ASIC2: variants seen among roughly 807,000 people sequenced by gnomAD.
The protein encoded by ASIC2 is acid sensing ion channel subunit 2, also known as acid-sensing ion channel 2.
In ASIC2, 25 loss-of-function variants were observed where a neutral mutation model predicts 57.3. The observed-to-expected ratio is 0.44, with a 90% CI of 0.32 to 0.61. ASIC2 has a LOEUF of 0.61. Among genes scored for constraint, ASIC2 ranks in the 20% least tolerant of loss-of-function variants. ASIC2 has a pLI of 0.06. For missense variants in ASIC2, 641 were observed against 738.1 expected (o/e 0.87, Z 1.52); for synonymous variants, 319 against 307.5 (o/e 1.04, Z -0.39).
chr17:33,025,874 T>C, intron 5 of ASIC2, 52 bp downstream of exon 5: 1 of 1,508,674 alleles, frequency 6.6e-7, no homozygotes, highest in Non-Finnish European at 8.9e-7. Context: ...TTCCATGATC[T>C]CAGTCTCAGG....
chr17:33,994,853 C>T (rs4497746), intron 1 of ASIC2, among the ~76,000 whole-genome samples: 23,946 of 152,028 alleles, frequency 0.16, 3,522 homozygotes, highest in African/African-American at 0.38. Context: ...GCCTATTTGA[C>T]CCAAGTATTC....
chr17:33,121,767 C>T (rs949924433), intron 1 of ASIC2, among the ~76,000 whole-genome samples: 1 of 152,146 alleles, frequency 6.6e-6, no homozygotes, highest in Non-Finnish European at 1.5e-5. Context: ...CTACTACATG[C>T]CAGGCACTGT....
chr17:33,854,657 T>C lies in ASIC2; in HGVS notation c.555+301321A>G, dbSNP rs145851976. ...GCAGAAAGAGCAGGGTTGTTTCACA[T>C]GTGTCTAAGCTGTGCCAACCTGCAC... On this transcript the variant is annotated intron_variant, in intron 1 of 9. Transcript: ENST00000359872. Among the ~76,000 whole-genome samples the C allele has an allele frequency of 6.1e-3, 936 of 152,324 alleles. 11 individuals are homozygous for C. The highest frequency in any genetic ancestry group is 0.01 in the Non-Finnish European group (713 of 68,022).
At chr17:33,663,815 CTG>C (rs1907380242) in intron 1 of ASIC2, among the ~76,000 whole-genome samples, 1 of 152,196 alleles carries the variant, frequency 6.6e-6, no homozygotes, top group African/African-American at 2.4e-5. Flanking sequence ...GCACACTCCA[CTG>C]CCTGCTCTCA....
intron 1 of ASIC2, among the ~76,000 whole-genome samples, chr17:33,679,844 G>A (rs1172327912): frequency 6.6e-6 from 1 of 152,208 alleles, no homozygotes; most frequent in African/African-American, 2.4e-5. Context: ...AAAAAAAACA[G>A]CGTGATTCAT....
intron 1 of ASIC2, among the ~76,000 whole-genome samples, chr17:34,058,974 T>C (rs1258337580): frequency 6.6e-6 from 1 of 152,166 alleles, no homozygotes; most frequent in Non-Finnish European, 1.5e-5. Context: ...AGAACCAAGA[T>C]TTAACAATTG....
At chr17:33,781,178 T>G (rs1231846274) in intron 1 of ASIC2, among the ~76,000 whole-genome samples, 1 of 152,188 alleles carries the variant, frequency 6.6e-6, no homozygotes, top group African/African-American at 2.4e-5. Context: ...GCGTTTAATG[T>G]TTGCTAACAG....
intron 1 of ASIC2, among the ~76,000 whole-genome samples, chr17:33,550,844 G>A (rs1370450631): frequency 1.3e-5 from 2 of 152,156 alleles, no homozygotes; most frequent in Middle Eastern, 3.2e-3. Context: ...ATAAGCATAG[G>A]GAAAGTGATA....
intron 1 of ASIC2, among the ~76,000 whole-genome samples, chr17:33,235,517 A>G (rs1908261819): frequency 6.6e-6 from 1 of 152,214 alleles, no homozygotes; most frequent in Non-Finnish European, 1.5e-5. Context: ...TTTAAACATA[A>G]GTGGTTATGG....
At chr17:33,191,101 T>C (rs1294201620) in intron 1 of ASIC2, among the ~76,000 whole-genome samples, 1 of 152,150 alleles carries the variant, frequency 6.6e-6, no homozygotes, top group Non-Finnish European at 1.5e-5. Flanking sequence ...CTAAAAGATT[T>C]TTTTAAAATG....
At chr17:33,171,244 G>A (rs978207476) in intron 1 of ASIC2, among the ~76,000 whole-genome samples, 2 of 152,164 alleles carry the variant, frequency 1.3e-5, no homozygotes, top group Non-Finnish European at 2.9e-5. Flanking sequence ...TTTTATCAAA[G>A]CCATTGGTTT....
intron 1 of ASIC2, among the ~76,000 whole-genome samples, chr17:33,808,503 G>A (rs1912330071): frequency 6.6e-6 from 1 of 152,186 alleles, no homozygotes; most frequent in South Asian, 2.1e-4. Context: ...TGTGTTGGCT[G>A]TTCTGGGTCT....
rs1474536718 is a variant in ASIC2 at position 33,761,936 on chromosome 17, G to C, written c.555+394042C>G. On this transcript the variant is annotated intron_variant, in intron 1 of 9. Coordinates refer to the ASIC2 transcript ENST00000359872. ...ACTACTTGACCTTCCTAGGAGTCAG[G>C]GGGTAGGGATGGAACTGAGTGAGGA... 2.6e-5 allele frequency among the ~76,000 whole-genome samples: 4 copies of C among 152,080 alleles called. No homozygotes were observed. In the East Asian group the frequency reaches 5.8e-4, roughly 22 times the overall value.
At chr17:33,400,556 G>A (rs1044944516) in intron 1 of ASIC2, among the ~76,000 whole-genome samples, 2 of 152,142 alleles carry the variant, frequency 1.3e-5, no homozygotes, top group African/African-American at 2.4e-5. Context: ...GGAGATTTAT[G>A]AGCCAGAAAT....
At chr17:33,850,002 CT>C (rs1371700537) in intron 1 of ASIC2, among the ~76,000 whole-genome samples, 1 of 147,044 alleles carries the variant, frequency 6.8e-6, no homozygotes, top group Non-Finnish European at 1.5e-5. Flanking sequence ...TTTTTGAATT[CT>C]GCTATGTTAA....
At chr17:33,629,914 A>G (rs1906106758) in intron 1 of ASIC2, among the ~76,000 whole-genome samples, 1 of 152,238 alleles carries the variant, frequency 6.6e-6, no homozygotes, top group Non-Finnish European at 1.5e-5. Context: ...CTGCAGTACC[A>G]TGAGGCTCAG....
At chr17:34,124,456 T>A (rs1911714435) in intron 1 of ASIC2, among the ~76,000 whole-genome samples, 1 of 152,172 alleles carries the variant, frequency 6.6e-6, no homozygotes, top group Non-Finnish European at 1.5e-5. Context: ...ACCACTTCCT[T>A]ATTTATGGCT....
At chr17:33,355,536 C>T (rs989711421) in intron 1 of ASIC2, among the ~76,000 whole-genome samples, 1 of 152,100 alleles carries the variant, frequency 6.6e-6, no homozygotes, top group African/African-American at 2.4e-5. Context: ...TTTAAAGACC[C>T]AGGCTCCTTC....
chr17:33,853,606 T>C (rs1264485907), intron 1 of ASIC2, among the ~76,000 whole-genome samples: 1 of 152,320 alleles, frequency 6.6e-6, no homozygotes, highest in East Asian at 1.9e-4. Flanking sequence ...ATGCCAGTGG[T>C]CTTCTGCAGT....
Sources: gnomAD v4.1 joint callset for allele counts (sites outside exome capture counted in the v4.1 genomes callset) on GRCh38, gnomAD v4.1.1 for gene constraint, MANE v1.5 for transcripts, NCBI Gene and HGNC (gene_info 2026-07-23, HGNC 2026-07-21) for gene names.